ANKFY1: variants seen among roughly 807,000 people sequenced by gnomAD.
The protein encoded by ANKFY1 is ankyrin repeat and FYVE domain containing 1.
ANKFY1 carries 47 observed loss-of-function variants against 128.3 expected under a neutral mutation model. The observed-to-expected ratio is 0.37, with a 90% CI of 0.29 to 0.47. The LOEUF (loss-of-function observed/expected upper bound fraction) is 0.47, where lower values mean the gene tolerates loss of function less well. Ranked by LOEUF, ANKFY1 falls within the 20% of genes least tolerant of loss-of-function variation. The pLI is 1.00. For missense variants in ANKFY1, 1,222 were observed against 1,510.6 expected (o/e 0.81, Z 3.17); for synonymous variants, 553 against 601.6 (o/e 0.92, Z 1.18).
At chr17:4,180,712 G>A (rs1458827781) in intron 16 of ANKFY1, among the ~76,000 whole-genome samples, 1 of 129,416 alleles carries the variant, frequency 7.7e-6, no homozygotes, top group Non-Finnish European at 1.6e-5. Flanking sequence ...AGCCAACCAA[G>A]ATGGTGCCAC....
rs939901788 is a variant in ANKFY1 at position 4,178,148 on chromosome 17, C to A, written c.2598+709G>T. 1 of 153,022 alleles carries A rather than the reference C, an allele frequency of 6.5e-6. No individual in the cohort carries two copies. Among genetic ancestry groups the A allele is most frequent in the Non-Finnish European group, 1.5e-5 (1 of 68,604 alleles). The allele number at this position is 153,022 out of a possible 1,614,324, so 9.5% of individuals were successfully genotyped here. A position where few individuals can be genotyped will look rare whatever the true frequency, so the allele number is the denominator to read the frequency against. ...TCACCACCTACGCAATCCAGTCACACTTGTGAAAATGCTGAAGACGGTGGT... is the reference window on the plus strand; with the variant it reads ...TCACCACCTACGCAATCCAGTCACAATTGTGAAAATGCTGAAGACGGTGGT... On this transcript the variant is annotated intron_variant, in intron 18 of 24. Coordinates refer to ENST00000341657, the MANE Select transcript of ANKFY1 (RefSeq NM_001330063.2). The surrounding 1 kb of genome is among the most constrained non-coding windows in gnomAD (Gnocchi z 4.1).
chr17:4,235,046 T>C (rs1251922183), intron 3 of ANKFY1, among the ~76,000 whole-genome samples: 1 of 152,058 alleles, frequency 6.6e-6, no homozygotes, highest in Non-Finnish European at 1.5e-5. Flanking sequence ...TCTGATAAAC[T>C]AGAAAAAGTA....
Position 4,242,462 on chromosome 17 carries a change from G to A in ANKFY1, c.11-14C>T, listed in dbSNP as rs374924396. 1.9e-5 allele frequency: 29 copies of A among 1,531,482 alleles called. No individual in the cohort carries two copies. The highest frequency in any genetic ancestry group is 3.5e-4 in the Middle Eastern group (2 of 5,690). 94.9% of individuals were successfully genotyped at this position (1,531,482 alleles called of 1,614,324 possible). ...TGGCCACCTCCTCTGCAAGGAAAACGAAGAATCAAGTTCACCGTGGCTGCT... is the reference window on the plus strand; with the variant it reads ...TGGCCACCTCCTCTGCAAGGAAAACAAAGAATCAAGTTCACCGTGGCTGCT... On this transcript the variant is annotated splice_polypyrimidine_tract_variant and intron_variant, in intron 1 of 24. Transcript: ENST00000341657.
intron 1 of ANKFY1, chr17:4,249,242 C>T (rs1306881812): frequency 1.7e-5 from 5 of 298,814 alleles, no homozygotes; most frequent in Admixed American, 1.3e-4. Flanking sequence ...TGGGGCACTA[C>T]TCAACTCTGC....
At position 4,169,779 on chromosome 17, in the gene ANKFY1, G is replaced by C. The variant is rs1291773066; in HGVS notation, c.3287-491C>G. Among the ~76,000 whole-genome samples the C allele has an allele frequency of 6.6e-6, 1 of 152,196 alleles. No individual in the cohort carries two copies. Among genetic ancestry groups the C allele is most frequent in the Non-Finnish European group, 1.5e-5 (1 of 68,024 alleles). The stretch of plus-strand genomic sequence containing the variant: ...GTGCCTGGGTCTGCAGTGGGACCAT[G>C]GGCAGAGCAACCTATGAGAAAGAAC... On this transcript the variant is annotated intron_variant, in intron 23 of 24. Coordinates refer to ENST00000341657, the MANE Select transcript of ANKFY1 (RefSeq NM_001330063.2). The surrounding 1 kb of genome is among the most constrained non-coding windows in gnomAD (Gnocchi z 5.0).
Position 4,180,300 on chromosome 17 carries a change from C to T in ANKFY1, c.2241-423G>A, listed in dbSNP as rs541892058. 176 of 166,114 alleles carry T rather than the reference C, an allele frequency of 1.1e-3. 1 individual carries two copies. Among genetic ancestry groups the T allele is most frequent in the Non-Finnish European group, 2.0e-3 (151 of 76,816 alleles). The allele number at this position is 166,114 out of a possible 1,614,324, so 10.3% of individuals were successfully genotyped here. A position where few individuals can be genotyped will look rare whatever the true frequency, so the allele number is the denominator to read the frequency against. On this transcript the variant is annotated intron_variant, in intron 16 of 24. Coordinates refer to ENST00000341657, the MANE Select transcript of ANKFY1 (RefSeq NM_001330063.2). The stretch of plus-strand genomic sequence containing the variant: ...AAAATTAACCGGGCGTGGTGGTGCG[C>T]GCCCATCCCACCTCCCATCCCAGCT...
chr17:4,253,931 G>A (rs1967975617), intron 1 of ANKFY1, among the ~76,000 whole-genome samples: 1 of 152,012 alleles, frequency 6.6e-6, no homozygotes, highest in Non-Finnish European at 1.5e-5. Flanking sequence ...TACCTTATAT[G>A]ACAACAACAA....
intron 1 of ANKFY1, 63 bp downstream of exon 1, chr17:4,263,869 G>A: frequency 6.2e-7 from 1 of 1,613,024 alleles, no homozygotes; most frequent in East Asian, 2.2e-5. Context: ...CGGCAGCTTC[G>A]CACGGCCAGC....
intron 1 of ANKFY1, among the ~76,000 whole-genome samples, chr17:4,253,772 C>T (rs1309245731): frequency 2.0e-5 from 3 of 152,122 alleles, no homozygotes; most frequent in Non-Finnish European, 1.5e-5. Context: ...ATGTGGCATG[C>T]GTGGTCTTTG....
intron 1 of ANKFY1, among the ~76,000 whole-genome samples, chr17:4,246,974 G>C (rs965391011): frequency 1.3e-5 from 2 of 152,044 alleles, no homozygotes; most frequent in Non-Finnish European, 2.9e-5. Flanking sequence ...TGAGCCAGGG[G>C]TGGTAGTGGG....
chr17:4,197,318 G>GT, intron 8 of ANKFY1, 55 bp downstream of exon 8: 1 of 1,576,282 alleles, frequency 6.3e-7, no homozygotes, highest in Non-Finnish European at 8.7e-7. Context: ...ACATGCTACT[G>GT]TAAGATATCT....
rs1214615718 is a variant in ANKFY1 at position 4,178,842 on chromosome 17, G to A, written c.2598+15C>T. ...CCCAGGACCATGTGGAGAAGGTCAG[G>A]TGTTATTCACTCACCTGCTCAGCAG... On this transcript the variant is annotated intron_variant, in intron 18 of 24. Coordinates refer to ENST00000341657, the MANE Select transcript of ANKFY1 (RefSeq NM_001330063.2). The surrounding 1 kb of genome is among the most constrained non-coding windows in gnomAD (Gnocchi z 4.1). 8 of 1,613,222 alleles carry A rather than the reference G, an allele frequency of 5.0e-6. No homozygotes were observed. In the East Asian group the frequency reaches 1.8e-4, roughly 36 times the overall value.
intron 2 of ANKFY1, among the ~76,000 whole-genome samples, chr17:4,241,925 T>A (rs954887673): frequency 6.6e-6 from 1 of 151,392 alleles, no homozygotes. Flanking sequence ...CCGTCTCTAC[T>A]AAAAATATAA....
chr17:4,253,325 G>T (rs4790598), intron 1 of ANKFY1, among the ~76,000 whole-genome samples: 82,306 of 151,974 alleles, frequency 0.54, 23,641 homozygotes, highest in East Asian at 0.8. Flanking sequence ...TGCAAAGGAG[G>T]TCAAGGGAAC....
intron 10 of ANKFY1, among the ~76,000 whole-genome samples, chr17:4,190,344 GAC>G: frequency 6.6e-6 from 1 of 152,076 alleles, no homozygotes; most frequent in South Asian, 2.1e-4. Flanking sequence ...GGGAGGCTGA[GAC>G]ACAGGAATTG....
chr17:4,231,682 C>G (rs2060514362), intron 3 of ANKFY1, among the ~76,000 whole-genome samples: 1 of 151,620 alleles, frequency 6.6e-6, no homozygotes, highest in African/African-American at 2.4e-5. Context: ...TGCCTCACAC[C>G]TGTAATCCCA....
chr17:4,223,832 CTT>C, intron 3 of ANKFY1: 2 of 1,267,566 alleles, frequency 1.6e-6, no homozygotes, highest in Non-Finnish European at 2.2e-6. Flanking sequence ...ACGTCTGACT[CTT>C]CTCTCGCAAT....
intron 19 of ANKFY1, among the ~76,000 whole-genome samples, chr17:4,174,470 G>A (rs1188679687): frequency 5.3e-5 from 8 of 152,060 alleles, no homozygotes; most frequent in Admixed American, 3.3e-4. Context: ...AATATTTATC[G>A]ATTAACATGG....
intron 1 of ANKFY1, among the ~76,000 whole-genome samples, chr17:4,255,654 A>G (rs189402821): frequency 9.9e-5 from 15 of 152,270 alleles, no homozygotes; most frequent in African/African-American, 3.6e-4. Context: ...ATAACATTCT[A>G]TTTGGAGAAC....
Sources: allele counts gnomAD v4.1 joint callset (sites outside exome capture counted in the v4.1 genomes callset), GRCh38; gene constraint gnomAD v4.1.1; non-coding constraint Gnocchi (gnomAD v3.1); transcripts MANE v1.5; gene names NCBI Gene and HGNC (gene_info 2026-07-23, HGNC 2026-07-21).